TAOK1: variants seen among roughly 807,000 people sequenced by gnomAD.
TAOK1 encodes serine/threonine-protein kinase TAO1.
Under a neutral mutation model 138.3 loss-of-function variants are expected in TAOK1, and 21 were observed. The observed-to-expected ratio is 0.15, with a 90% CI of 0.11 to 0.22. The LOEUF (loss-of-function observed/expected upper bound fraction) is 0.22, where lower values mean the gene tolerates loss of function less well. Ranked by LOEUF, TAOK1 falls within the 10% of genes least tolerant of loss-of-function variation. The pLI is 1.00. For synonymous variants in TAOK1, 361 were observed against 398.4 expected, an observed-to-expected ratio of 0.91 and a Z score of 1.12; for missense variants, 651 against 1,227.7, an observed-to-expected ratio of 0.53 and a Z score of 7.02.
chr17:29,454,460 C>T (rs1436350583), intron 2 of TAOK1, among the ~76,000 whole-genome samples: 1 of 151,308 alleles, frequency 6.6e-6, no homozygotes, highest in Non-Finnish European at 1.5e-5. Context: ...TTCCAGTTGA[C>T]GTGGCTTTTT....
In TAOK1 at chr17:29,492,520, C is replaced by T. The variant is rs549005001; in HGVS notation, c.831+655C>T. ...TGATAAAACATAGCTTAGCCAGGCG[C>T]GGTGGCTCACGCCTGTAATCCCAGC... On this transcript the variant is annotated intron_variant, in intron 10 of 19. Transcript: ENST00000261716. 8.8e-4 allele frequency among the ~76,000 whole-genome samples: 134 copies of T among 152,292 alleles called. 2 individuals are homozygous for T. Among genetic ancestry groups the T allele is most frequent in the African/African-American group, 2.2e-3 (93 of 41,570 alleles).
intron 3 of TAOK1, among the ~76,000 whole-genome samples, chr17:29,474,699 C>T (rs1164267334): frequency 6.6e-6 from 1 of 151,920 alleles, no homozygotes; most frequent in African/African-American, 2.4e-5. Flanking sequence ...CACAGATCAC[C>T]ATAACAGATA....
intron 17 of TAOK1, among the ~76,000 whole-genome samples, chr17:29,526,745 G>T (rs2032016401): frequency 1.4e-5 from 2 of 142,508 alleles, no homozygotes; most frequent in Admixed American, 7.6e-5. Flanking sequence ...GTGCTACTCA[G>T]CCTGAGCAAC....
chr17:29,516,120 C>G (rs906879018), intron 15 of TAOK1, among the ~76,000 whole-genome samples: 1 of 150,864 alleles, frequency 6.6e-6, no homozygotes, highest in Admixed American at 6.6e-5. Flanking sequence ...CACCACCATG[C>G]CTGGCTAATT....
chr17:29,524,674 ATTTAC>A (rs938597554), intron 17 of TAOK1, among the ~76,000 whole-genome samples: 2 of 152,176 alleles, frequency 1.3e-5, no homozygotes, highest in African/African-American at 4.8e-5. Context: ...TCACATTTCT[ATTTAC>A]TTAAGTAATC....
chr17:29,538,566 C>G (rs762358244), intron 19 of TAOK1, among the ~76,000 whole-genome samples: 3 of 152,178 alleles, frequency 2.0e-5, no homozygotes, highest in Non-Finnish European at 4.4e-5. Context: ...GATTTCTGCA[C>G]TTTATGCTTG....
chr17:29,507,206 C>G (rs2031644009), intron 13 of TAOK1, among the ~76,000 whole-genome samples: 1 of 151,044 alleles, frequency 6.6e-6, no homozygotes, highest in Non-Finnish European at 1.5e-5. Context: ...TTGAATTGTT[C>G]ACTTTAAGGT....
In TAOK1 at chr17:29,391,008, G is replaced by C. The variant is rs1199273834; in HGVS notation, c.-111G>C. The C allele has an allele frequency of 6.6e-6, 1 of 152,508 alleles. No homozygotes were observed. Among genetic ancestry groups the C allele is most frequent in the Non-Finnish European group, 1.5e-5 (1 of 68,208 alleles). The allele number at this position is 152,508 out of a possible 1,614,324, so 9.4% of individuals were successfully genotyped here. ...GGCTGCGCCTGCCTGCTCCGCCCCAGACCTGTCGGCGAAAGGGTAAGGGCA... is the reference window on the plus strand; with the variant it reads ...GGCTGCGCCTGCCTGCTCCGCCCCACACCTGTCGGCGAAAGGGTAAGGGCA... On this transcript the variant is annotated 5_prime_UTR_variant, in exon 1 of 20. Transcript: ENST00000261716.
At position 29,409,404 on chromosome 17, in the gene TAOK1, G is replaced by A. The variant is rs28457206; in HGVS notation, c.-95+18380G>A. Among the ~76,000 whole-genome samples the A allele has an allele frequency of 3.9e-3, 542 of 140,774 alleles. 5 individuals carry two copies. Among genetic ancestry groups the A allele is most frequent in the African/African-American group, 0.014 (522 of 37,648 alleles). 92.4% of individuals were successfully genotyped at this position (140,774 alleles called of 152,430 possible). Reference sequence around the variant, plus strand: ...GGCTGGAGTGCAGTGGTGAAATCTCGGCTCACTGCAAGCTCCGCCTCCCAG... The same window carrying A: ...GGCTGGAGTGCAGTGGTGAAATCTCAGCTCACTGCAAGCTCCGCCTCCCAG... On this transcript the variant is annotated intron_variant, in intron 1 of 19. Coordinates refer to ENST00000261716, the MANE Select transcript of TAOK1 (RefSeq NM_020791.4).
chr17:29,542,865 C>T lies in TAOK1; in HGVS notation c.2849C>T (p.Pro950Leu). Residue 950 changes from proline to leucine, a missense_variant, in exon 20 of 20, where the codon CCA becomes CTA. Transcript: ENST00000261716. ...GPQPWGHPSG[P>L]MQGVPRGSSM... The stretch of plus-strand genomic sequence containing the variant: ...CAGCCATGGGGTCACCCTTCAGGGC[C>T]AATGCAAGGGGTACCTCGAGGTAGC... 1 of 1,614,096 alleles carries T rather than the reference C, an allele frequency of 6.2e-7. No homozygotes were observed. Among genetic ancestry groups the T allele is most frequent in the Non-Finnish European group, 8.5e-7 (1 of 1,180,000 alleles).
chr17:29,448,251 G>A (rs1309986951), intron 1 of TAOK1, among the ~76,000 whole-genome samples: 3 of 151,800 alleles, frequency 2.0e-5, no homozygotes, highest in Non-Finnish European at 4.4e-5. Context: ...TGAGGAAAAG[G>A]TATAATTTTT....
rs755271447 is a variant in TAOK1 at position 29,542,839 on chromosome 17, C to G, written c.2823C>G (p.Pro941=). 2 of 1,614,090 alleles carry G rather than the reference C, an allele frequency of 1.2e-6. No individual in the cohort carries two copies. The highest frequency in any genetic ancestry group is 1.7e-6 in the Non-Finnish European group (2 of 1,179,990). ...GGGGCCATCCAATGCAAGGTGGACC[C>G]CAGCCATGGGGTCACCCTTCAGGGC... ...QAWGHPMQGG[P]QPWGHPSGPM... Residue 941 remains proline (P), a synonymous_variant, in exon 20 of 20, where the codon CCC becomes CCG. Transcript: ENST00000261716.
chr17:29,544,686 G>C lies in TAOK1; in HGVS notation c.*1664G>C, dbSNP rs1199136805. ...GTTGGAGGTGGGTAGGAAGCTGTGAGTATGACTTGAAGAAAAATATCCTTT... is the reference window on the plus strand; with the variant it reads ...GTTGGAGGTGGGTAGGAAGCTGTGACTATGACTTGAAGAAAAATATCCTTT... On this transcript the variant is annotated 3_prime_UTR_variant, in exon 20 of 20. Transcript: ENST00000261716. 1 of 152,160 alleles carries C rather than the reference G, an allele frequency of 6.6e-6. No homozygotes were observed. Among genetic ancestry groups the C allele is most frequent in the African/African-American group, 2.4e-5 (1 of 41,434 alleles). The allele number at this position is 152,160 out of a possible 1,614,324, so 9.4% of individuals were successfully genotyped here. A position where few individuals can be genotyped will look rare whatever the true frequency, so the allele number is the denominator to read the frequency against.
intron 1 of TAOK1, among the ~76,000 whole-genome samples, chr17:29,407,077 C>A (rs1011195341): frequency 6.6e-6 from 1 of 152,020 alleles, no homozygotes; most frequent in Admixed American, 6.6e-5. Context: ...GGTAGTGGTG[C>A]CATCATAGCT....
chr17:29,465,302 C>T (rs996092203), intron 2 of TAOK1, among the ~76,000 whole-genome samples: 1 of 151,144 alleles, frequency 6.6e-6, no homozygotes, highest in African/African-American at 2.4e-5. Flanking sequence ...TACAGACGTG[C>T]GCCACCACAC....
At chr17:29,405,432 G>A (rs531579595) in intron 1 of TAOK1, among the ~76,000 whole-genome samples, 36 of 152,144 alleles carry the variant, frequency 2.4e-4, no homozygotes, top group Non-Finnish European at 4.9e-4. Flanking sequence ...TTGTTGGTAT[G>A]TACTATGAAA....
intron 15 of TAOK1, among the ~76,000 whole-genome samples, chr17:29,515,752 C>T (rs1416416683): frequency 2.6e-5 from 4 of 151,570 alleles, no homozygotes; most frequent in Non-Finnish European, 5.9e-5. Context: ...GGAAAAATCA[C>T]TGGAACCCAG....
chr17:29,439,425 G>C (rs1906142149), intron 1 of TAOK1, among the ~76,000 whole-genome samples: 1 of 151,926 alleles, frequency 6.6e-6, no homozygotes, highest in South Asian at 2.1e-4. Flanking sequence ...GGCTGGTCTT[G>C]AACTCCTGAC....
At chr17:29,517,096 C>G (rs983303282) in intron 15 of TAOK1, among the ~76,000 whole-genome samples, 2 of 152,008 alleles carry the variant, frequency 1.3e-5, no homozygotes, top group Non-Finnish European at 2.9e-5. Context: ...ACACCATTCT[C>G]CTGCCTCAGC....
Sources: allele counts gnomAD v4.1 joint callset (sites outside exome capture counted in the v4.1 genomes callset), GRCh38; gene constraint gnomAD v4.1.1; transcripts MANE v1.5; gene names NCBI Gene and HGNC (gene_info 2026-07-23, HGNC 2026-07-21).